FGFR2: variants seen among roughly 807,000 people sequenced by gnomAD.
The protein encoded by FGFR2 is fibroblast growth factor receptor 2.
A neutral mutation model predicts 95.9 loss-of-function variants in FGFR2; 19 were observed. The observed-to-expected ratio is 0.20, with a 90% CI of 0.14 to 0.29. The LOEUF is 0.29. Among genes scored for constraint, FGFR2 ranks in the 10% least tolerant of loss-of-function variants. FGFR2 has a pLI of 1.00. For missense variants in FGFR2, 707 were observed against 1,056.9 expected, an observed-to-expected ratio of 0.67 and a Z score of 4.59; for synonymous variants, 392 against 393.3, an observed-to-expected ratio of 1.00 and a Z score of 0.04.
chr10:121,551,077 A>G (rs1437275126), intron 5 of FGFR2, among the ~76,000 whole-genome samples: 1 of 151,998 alleles, frequency 6.6e-6, no homozygotes, highest in African/African-American at 2.4e-5. Context: ...AAAATTAGCG[A>G]GGCATGGTGG....
intron 4 of FGFR2, among the ~76,000 whole-genome samples, chr10:121,563,867 G>A (rs968129876): frequency 5.3e-5 from 8 of 152,144 alleles, no homozygotes; most frequent in Admixed American, 3.9e-4. Flanking sequence ...AGCCACCCTT[G>A]GCTCCCTTTT....
Position 121,563,045 on chromosome 10 carries a change from G to A in FGFR2, c.454+1457C>T, listed in dbSNP as rs550529486. Among the ~76,000 whole-genome samples the A allele has an allele frequency of 4.3e-3, 662 of 152,298 alleles. 5 individuals are homozygous for A. Among genetic ancestry groups the A allele is most frequent in the African/African-American group, 0.015 (644 of 41,576 alleles). The stretch of plus-strand genomic sequence containing the variant: ...ACTTGAGGTCAGGAGTTCAAGACCA[G>A]CCTGGCCAACATGGTAAAACCCTGT... On this transcript the variant is annotated intron_variant, in intron 4 of 17. Transcript: ENST00000358487.
intron 6 of FGFR2, among the ~76,000 whole-genome samples, chr10:121,525,670 A>C (rs1267316177): frequency 1.3e-5 from 2 of 151,964 alleles, no homozygotes; most frequent in Middle Eastern, 3.2e-3. Flanking sequence ...TGAGTGACAA[A>C]GAATAAATCT....
intron 13 of FGFR2, among the ~76,000 whole-genome samples, chr10:121,493,032 G>A (rs889265451): frequency 3.9e-5 from 6 of 152,114 alleles, no homozygotes; most frequent in Non-Finnish European, 5.9e-5. Context: ...CTACAAGTCC[G>A]CTTCTCAGAA....
intron 1 of FGFR2, chr10:121,594,194 A>G: frequency 4.5e-6 from 2 of 440,960 alleles, no homozygotes; most frequent in South Asian, 4.6e-5. Context: ...TTTAAGAAAC[A>G]GAGATAAAAC....
chr10:121,510,825 G>A (rs918253733), intron 9 of FGFR2, among the ~76,000 whole-genome samples: 1 of 108,140 alleles, frequency 9.2e-6, no homozygotes, highest in Non-Finnish European at 1.9e-5. Context: ...TGTGTGAGAC[G>A]GAGTATCACT....
intron 6 of FGFR2, among the ~76,000 whole-genome samples, chr10:121,529,680 T>C (rs891558516): frequency 2.6e-5 from 4 of 152,162 alleles, no homozygotes; most frequent in African/African-American, 9.7e-5. Flanking sequence ...AATCCTGTAA[T>C]CCAGAGGCTT....
At position 121,531,915 on chromosome 10, in the gene FGFR2, C is replaced by T. The variant is rs542322619; in HGVS notation, c.748+6677G>A. ...AAGGAAGGTGCTTCCTCCTCAACTC[C>T]GCTCCGGTTCCGTGATCTGTCAACT... On this transcript the variant is annotated intron_variant, in intron 6 of 17. Transcript: ENST00000358487. This position sits in a 1 kb window ranked among gnomAD's most constrained non-coding sequence, Gnocchi z 4.5. 3.9e-5 allele frequency among the ~76,000 whole-genome samples: 6 copies of T among 152,276 alleles called. No homozygotes were observed. The East Asian group carries it at 5.8e-4, about 15-fold the overall frequency.
Position 121,500,819 on chromosome 10 carries a change from C to A in FGFR2, c.1561+7G>T. On this transcript the variant is annotated splice_region_variant and intron_variant, in intron 11 of 17. Coordinates refer to ENST00000358487, the MANE Select transcript of FGFR2 (RefSeq NM_000141.5). Reference sequence around the variant, plus strand: ...CCCCTCCCCGAGCCTCCCGCCTCCCCGCTCACCTTTCAACATCTTCACGGC... The same window carrying A: ...CCCCTCCCCGAGCCTCCCGCCTCCCAGCTCACCTTTCAACATCTTCACGGC... 6.2e-7 allele frequency: 1 copy of A among 1,613,870 alleles called. No homozygotes were observed. The highest frequency in any genetic ancestry group is 1.3e-5 in the African/African-American group (1 of 75,060).
At chr10:121,563,904 A>G (rs1041225558) in intron 4 of FGFR2, among the ~76,000 whole-genome samples, 1 of 152,208 alleles carries the variant, frequency 6.6e-6, no homozygotes, top group Admixed American at 6.5e-5. Context: ...AGTAAGGCAC[A>G]CGTCCTTCAT....
chr10:121,587,585 T>C (rs989258822), intron 2 of FGFR2, among the ~76,000 whole-genome samples: 30 of 151,460 alleles, frequency 2.0e-4, no homozygotes, highest in African/African-American at 6.8e-4. Context: ...ACATAAAAAG[T>C]AGACAAAGGA....
At chr10:121,499,793 C>T (rs1044824003) in intron 11 of FGFR2, among the ~76,000 whole-genome samples, 1 of 152,386 alleles carries the variant, frequency 6.6e-6, no homozygotes, top group South Asian at 2.1e-4. Context: ...TCCCCGGCAT[C>T]AGGCTCCAAG....
At chr10:121,542,963 C>A (rs1482557085) in intron 5 of FGFR2, among the ~76,000 whole-genome samples, 2 of 152,136 alleles carry the variant, frequency 1.3e-5, no homozygotes, top group Non-Finnish European at 2.9e-5. Context: ...GCAAAAAAAT[C>A]CAGACATTTC....
chr10:121,571,961 A>AG (rs1273787758), intron 2 of FGFR2, among the ~76,000 whole-genome samples: 1 of 151,768 alleles, frequency 6.6e-6, no homozygotes, highest in Non-Finnish European at 1.5e-5. Flanking sequence ...AAATAAAAAA[A>AG]AAAATTGACT....
intron 12 of FGFR2, among the ~76,000 whole-genome samples, chr10:121,497,958 A>G (rs1847099005): frequency 6.6e-6 from 1 of 152,230 alleles, no homozygotes; most frequent in African/African-American, 2.4e-5. Flanking sequence ...TTACTTAGCA[A>G]ATTGATTTCA....
intron 2 of FGFR2, among the ~76,000 whole-genome samples, chr10:121,566,275 G>C (rs1225012431): frequency 1.3e-5 from 2 of 152,148 alleles, no homozygotes; most frequent in African/African-American, 4.8e-5. Context: ...GTTCAGATCA[G>C]TACTTTGCCG....
At chr10:121,592,423 G>A (rs571724720) in intron 2 of FGFR2, among the ~76,000 whole-genome samples, 5 of 152,098 alleles carry the variant, frequency 3.3e-5, no homozygotes, top group East Asian at 1.9e-4. Flanking sequence ...TCCCAGAGAC[G>A]CAGGGAGATG....
Position 121,547,797 on chromosome 10 carries a change from A to G in FGFR2, c.624+3493T>C, listed in dbSNP as rs184834822. On this transcript the variant is annotated intron_variant, in intron 5 of 17. Transcript: ENST00000358487. The stretch of plus-strand genomic sequence containing the variant: ...CAAAGTCTGCCTTGGTCAGGCCCCA[A>G]CAAGGACTCTCTGAGGCAAACGCAG... Among the ~76,000 whole-genome samples, 59 of 152,250 alleles carry G rather than the reference A, an allele frequency of 3.9e-4. No individual in the cohort carries two copies. The South Asian group carries it at 0.011, about 28-fold the overall frequency.
intron 6 of FGFR2, among the ~76,000 whole-genome samples, chr10:121,537,362 G>A (rs1219233463): frequency 6.6e-6 from 1 of 152,154 alleles, no homozygotes; most frequent in African/African-American, 2.4e-5. Flanking sequence ...CATTTAACTT[G>A]ACAGAAAATC....
Sources: gnomAD v4.1 joint callset for allele counts (sites outside exome capture counted in the v4.1 genomes callset) on GRCh38, gnomAD v4.1.1 for gene constraint, Gnocchi (gnomAD v3.1) non-coding constraint, MANE v1.5 for transcripts, NCBI Gene and HGNC (gene_info 2026-07-23, HGNC 2026-07-21) for gene names.